The following TNFAIP8 variants were observed in gnomAD, a reference collection of about 807,000 sequenced individuals.
TNFAIP8 encodes tumor necrosis factor alpha-induced protein 8.
Under a neutral mutation model 13.3 loss-of-function variants are expected in TNFAIP8, and 7 were observed. The ratio of observed to expected loss-of-function variants is 0.52; its 90% confidence interval spans 0.30 to 0.99. The LOEUF is 0.99. Ranked by LOEUF, TNFAIP8 falls within the 50% of genes least tolerant of loss-of-function variation. The probability of loss-of-function intolerance (pLI) is 0.07; values close to 1 mark genes in which losing one functional copy is unlikely to be tolerated. For missense variants in TNFAIP8, 258 were observed against 236.9 expected, an observed-to-expected ratio of 1.09 and a Z score of -0.58; for synonymous variants, 94 against 87.6, an observed-to-expected ratio of 1.07 and a Z score of -0.41.
chr5:119,371,638 G>A (rs114343546), intron 1 of TNFAIP8, among the ~76,000 whole-genome samples: 2,779 of 152,244 alleles, frequency 0.018, 83 homozygotes, highest in African/African-American at 0.063. Flanking sequence ...TTTTCTCTAA[G>A]CATGTACTTT....
intron 1 of TNFAIP8, among the ~76,000 whole-genome samples, chr5:119,343,677 C>G (rs1232584964): frequency 6.6e-6 from 1 of 152,138 alleles, no homozygotes; most frequent in East Asian, 1.9e-4. Flanking sequence ...ATGGAGCTGC[C>G]TCAAAGACAA....
chr5:119,305,972 C>T (rs753235807), intron 1 of TNFAIP8, among the ~76,000 whole-genome samples: 5 of 152,178 alleles, frequency 3.3e-5, no homozygotes, highest in Non-Finnish European at 7.3e-5. Flanking sequence ...TCCAGTGTTG[C>T]GTGTGGTTGG....
rs1171771093 is a variant in TNFAIP8 at position 119,356,096 on chromosome 5, C to T, written c.6C>T (p.His2=). 2 of 1,587,732 alleles carry T rather than the reference C, an allele frequency of 1.3e-6. No homozygotes were observed. Among genetic ancestry groups the T allele is most frequent in the Non-Finnish European group, 1.7e-6 (2 of 1,165,272 alleles). The change falls in exon 1 of 2, where the codon CAC becomes CAT. Residue 2 remains histidine, a synonymous_variant. Transcript: ENST00000504771. M[H]SEAEESKEVA... The stretch of plus-strand genomic sequence containing the variant: ...CAGCTGGTTATCCTGACATTATGCA[C>T]TCCGAAGCAGAAGAATCCAAGGAAG...
chr5:119,372,876 G>A (rs756095084), intron 1 of TNFAIP8, among the ~76,000 whole-genome samples: 6 of 152,100 alleles, frequency 3.9e-5, no homozygotes, highest in East Asian at 1.9e-4. Flanking sequence ...CAGGGGAATC[G>A]CTTGAACCTG....
intron 1 of TNFAIP8, among the ~76,000 whole-genome samples, chr5:119,285,963 C>T (rs191179056): frequency 3.8e-4 from 58 of 152,078 alleles, no homozygotes; most frequent in African/African-American, 1.3e-3. Flanking sequence ...TGAGTACATA[C>T]GCTTTTTTTT....
At chr5:119,331,193 TG>T (rs1471487431) in intron 1 of TNFAIP8, among the ~76,000 whole-genome samples, 1 of 152,022 alleles carries the variant, frequency 6.6e-6, no homozygotes, top group Admixed American at 6.5e-5. Flanking sequence ...TAGGGAAGCA[TG>T]GAAGTGCTGT....
chr5:119,268,820 T>A (rs1420938837), exon 1 of TNFAIP8: 1 of 699,044 alleles, frequency 1.4e-6, no homozygotes, highest in East Asian at 2.7e-5. Flanking sequence ...CGGGAACCCG[T>A]GAGCCACCGA....
intron 1 of TNFAIP8, among the ~76,000 whole-genome samples, chr5:119,286,443 A>T (rs1487852590): frequency 1.3e-5 from 2 of 152,132 alleles, no homozygotes; most frequent in African/African-American, 4.8e-5. Context: ...AACACGGTGA[A>T]ACCCCGTCTC....
At chr5:119,320,091 G>A (rs1408481111) in intron 1 of TNFAIP8, among the ~76,000 whole-genome samples, 3 of 152,200 alleles carry the variant, frequency 2.0e-5, no homozygotes, top group African/African-American at 7.2e-5. Context: ...ACTACTGGGA[G>A]GGGACACAGG....
intron 1 of TNFAIP8, among the ~76,000 whole-genome samples, chr5:119,371,464 C>G (rs1273419572): frequency 6.6e-6 from 1 of 152,130 alleles, no homozygotes; most frequent in African/African-American, 2.4e-5. Flanking sequence ...TGTCCATTAA[C>G]TGCCCTCACC....
At position 119,365,009 on chromosome 5, in the gene TNFAIP8, G is replaced by A. The variant is rs762696224; in HGVS notation, c.31+8888G>A. Reference sequence around the variant, plus strand: ...TGGGATTACAGGCGTTCACCACCACGCCCAGCTAATTTTTGTATTTTTAGT... The same window carrying A: ...TGGGATTACAGGCGTTCACCACCACACCCAGCTAATTTTTGTATTTTTAGT... On this transcript the variant is annotated intron_variant, in intron 1 of 1. Transcript: ENST00000504771. 3.0e-4 allele frequency among the ~76,000 whole-genome samples: 45 copies of A among 151,622 alleles called. No homozygotes were observed. The East Asian group carries it at 4.5e-3, about 15-fold the overall frequency.
chr5:119,372,281 G>T (rs1425933437), intron 1 of TNFAIP8, among the ~76,000 whole-genome samples: 9 of 145,902 alleles, frequency 6.2e-5, no homozygotes, highest in African/African-American at 2.3e-4. Context: ...CAGAGATCGT[G>T]CCACTTCACT....
chr5:119,315,143 T>C (rs796720769), intron 1 of TNFAIP8, among the ~76,000 whole-genome samples: 22 of 152,300 alleles, frequency 1.4e-4, no homozygotes, highest in African/African-American at 4.8e-4. Flanking sequence ...AGTGCAGTGG[T>C]GCGATCTCAG....
chr5:119,318,973 A>G (rs949712101), intron 1 of TNFAIP8, among the ~76,000 whole-genome samples: 2 of 152,232 alleles, frequency 1.3e-5, no homozygotes, highest in African/African-American at 4.8e-5. Context: ...GATATTTGGC[A>G]TGAATACTCC....
chr5:119,306,993 T>C (rs1749586871), intron 1 of TNFAIP8, among the ~76,000 whole-genome samples: 1 of 152,258 alleles, frequency 6.6e-6, no homozygotes, highest in East Asian at 1.9e-4. Flanking sequence ...TTTTGTGGAC[T>C]CTTAAGATGC....
intron 1 of TNFAIP8, among the ~76,000 whole-genome samples, chr5:119,269,996 T>A (rs926115462): frequency 6.6e-6 from 1 of 152,208 alleles, no homozygotes; most frequent in Non-Finnish European, 1.5e-5. Flanking sequence ...TTCTTGCTAC[T>A]TTCTTGCTAT....
chr5:119,345,788 G>T (rs1025844815), intron 1 of TNFAIP8, among the ~76,000 whole-genome samples: 2 of 152,152 alleles, frequency 1.3e-5, no homozygotes, highest in African/African-American at 4.8e-5. Context: ...GGATAGTGGT[G>T]ATGATTGTAC....
At chr5:119,341,275 C>A (rs908181546) in intron 1 of TNFAIP8, among the ~76,000 whole-genome samples, 6 of 152,050 alleles carry the variant, frequency 3.9e-5, no homozygotes, top group Non-Finnish European at 5.9e-5. Context: ...TGGTCCCAAA[C>A]TCAAATGTCC....
intron 1 of TNFAIP8, among the ~76,000 whole-genome samples, chr5:119,361,584 A>G (rs534073765): frequency 6.6e-6 from 1 of 152,360 alleles, no homozygotes; most frequent in East Asian, 1.9e-4. Context: ...AAGAGACTAT[A>G]AGCAGAATTC....
Sources: gnomAD v4.1 joint callset for allele counts (sites outside exome capture counted in the v4.1 genomes callset) on GRCh38, gnomAD v4.1.1 for gene constraint, MANE v1.5 for transcripts, NCBI Gene and HGNC (gene_info 2026-07-23, HGNC 2026-07-21) for gene names.